RBMS1: variants seen among roughly 807,000 people sequenced by gnomAD.
RBMS1 encodes the protein RNA binding motif single stranded interacting protein 1, also known as RNA-binding motif, single-stranded-interacting protein 1.
RBMS1 carries 17 observed loss-of-function variants against 62.3 expected under a neutral mutation model. The ratio of observed to expected loss-of-function variants is 0.27; its 90% CI spans 0.19 to 0.41. The LOEUF (loss-of-function observed/expected upper bound fraction) is 0.41. Ranked by LOEUF, RBMS1 falls within the 10% of genes least tolerant of loss-of-function variation. The pLI, the probability that RBMS1 is intolerant of heterozygous loss-of-function variation, is 1.00. For synonymous variants in RBMS1, 172 were observed against 170.0 expected, an observed-to-expected ratio of 1.01 and a Z score of -0.09; for missense variants, 334 against 504.5, an observed-to-expected ratio of 0.66 and a Z score of 3.24.
chr2:160,303,792 C>T (rs2105953363), intron 4 of RBMS1, among the ~76,000 whole-genome samples: 1 of 152,282 alleles, frequency 6.6e-6, no homozygotes, highest in Middle Eastern at 3.4e-3. Context: ...AATAACTGAC[C>T]TCTCCTCCAC....
intron 1 of RBMS1, chr2:160,408,401 C>T (rs1230770774): frequency 6.6e-6 from 1 of 152,210 alleles, no homozygotes; most frequent in Non-Finnish European, 1.5e-5. Context: ...ATCTCCATCC[C>T]CCGATTCACA....
chr2:160,311,248 A>C (rs1161356821), intron 4 of RBMS1, among the ~76,000 whole-genome samples: 4 of 105,358 alleles, frequency 3.8e-5, no homozygotes, highest in Admixed American at 9.9e-5. Flanking sequence ...ATATATATAT[A>C]TATATATATA....
chr2:160,410,699 T>C lies in RBMS1; in HGVS notation c.76-43308A>G, dbSNP rs1318923460. Among the ~76,000 whole-genome samples the C allele has an allele frequency of 3.3e-5, 5 of 152,166 alleles. No homozygotes were observed. In the East Asian group the frequency reaches 9.6e-4, roughly 29 times the overall value. ...AAAACAGTCCAGAGAGACTGCAAGT[T>C]ATCATGGTAAAAACGGGGCTTTGGA... On this transcript the variant is annotated intron_variant, in intron 1 of 13. Coordinates refer to ENST00000348849, the MANE Select transcript of RBMS1 (RefSeq NM_016836.4).
intron 1 of RBMS1, among the ~76,000 whole-genome samples, chr2:160,403,378 G>A (rs1391125766): frequency 6.6e-6 from 1 of 152,178 alleles, no homozygotes; most frequent in African/African-American, 2.4e-5. Context: ...CTATGCACAA[G>A]TTTAATCTTC....
chr2:160,465,864 A>G (rs1449358857), intron 1 of RBMS1, among the ~76,000 whole-genome samples: 1 of 112,508 alleles, frequency 8.9e-6, no homozygotes, highest in African/African-American at 3.4e-5. Flanking sequence ...ACACACACAC[A>G]TACACACACA....
intron 1 of RBMS1, among the ~76,000 whole-genome samples, chr2:160,382,818 C>T (rs942928150): frequency 3.3e-5 from 5 of 152,020 alleles, no homozygotes; most frequent in Non-Finnish European, 7.4e-5. Context: ...AACACTCCCA[C>T]CCCACAACAC....
chr2:160,344,073 ACTTGT>A (rs1460112531), intron 2 of RBMS1, among the ~76,000 whole-genome samples: 15 of 152,288 alleles, frequency 9.8e-5, no homozygotes, highest in African/African-American at 3.6e-4. Flanking sequence ...AATCTGAACA[ACTTGT>A]CATTAGGAAA....
intron 1 of RBMS1, among the ~76,000 whole-genome samples, chr2:160,424,549 C>T (rs780338073): frequency 1.1e-4 from 16 of 152,072 alleles, no homozygotes; most frequent in Non-Finnish European, 2.1e-4. Context: ...GAATGAAGCC[C>T]CATTAACTGG....
At chr2:160,475,151 G>C (rs988621132) in intron 1 of RBMS1, among the ~76,000 whole-genome samples, 1 of 152,160 alleles carries the variant, frequency 6.6e-6, no homozygotes, top group African/African-American at 2.4e-5. Flanking sequence ...TTTTAAAAAG[G>C]CAATGGGTAG....
intron 6 of RBMS1, among the ~76,000 whole-genome samples, chr2:160,293,533 T>C (rs1313730449): frequency 6.6e-6 from 1 of 152,186 alleles, no homozygotes; most frequent in Non-Finnish European, 1.5e-5. Context: ...ACACTGAGAA[T>C]CTAACAGGCA....
intron 1 of RBMS1, among the ~76,000 whole-genome samples, chr2:160,393,995 T>C (rs546423487): frequency 7.2e-5 from 11 of 152,160 alleles, no homozygotes; most frequent in Non-Finnish European, 1.5e-4. Context: ...ATACTGAACA[T>C]TCCTTCAGAT....
chr2:160,416,553 A>G (rs1259055708), intron 1 of RBMS1, among the ~76,000 whole-genome samples: 1 of 152,168 alleles, frequency 6.6e-6, no homozygotes, highest in Non-Finnish European at 1.5e-5. Context: ...ATTAAAGTCT[A>G]GGGGAAGGAG....
intron 2 of RBMS1, among the ~76,000 whole-genome samples, chr2:160,319,800 GA>G (rs201498148): frequency 1.3e-5 from 2 of 150,528 alleles, no homozygotes; most frequent in East Asian, 1.9e-4. Context: ...TTATCTAGAA[GA>G]AAAAAAAATG....
At chr2:160,463,952 A>C (rs1333800017) in intron 1 of RBMS1, among the ~76,000 whole-genome samples, 2 of 152,230 alleles carry the variant, frequency 1.3e-5, no homozygotes, top group Non-Finnish European at 2.9e-5. Flanking sequence ...TTGTGAAATT[A>C]AATGCAGTTA....
At chr2:160,364,323 C>T (rs1272895132) in intron 2 of RBMS1, among the ~76,000 whole-genome samples, 3 of 152,182 alleles carry the variant, frequency 2.0e-5, no homozygotes, top group Admixed American at 1.3e-4. Context: ...GTCAAGGTTC[C>T]AAGATTCCTC....
intron 1 of RBMS1, chr2:160,407,621 CG>C (rs1559516035): frequency 1.0e-6 from 1 of 982,110 alleles, no homozygotes; most frequent in African/African-American, 1.8e-5. Context: ...GGTGGCCGGC[CG>C]GGCCCGGGGC....
intron 1 of RBMS1, among the ~76,000 whole-genome samples, chr2:160,431,172 G>A (rs898613152): frequency 1.4e-5 from 2 of 144,342 alleles, no homozygotes; most frequent in African/African-American, 5.1e-5. Context: ...TATTGCCTAG[G>A]TAACCCAGGC....
intron 1 of RBMS1, among the ~76,000 whole-genome samples, chr2:160,439,449 A>T (rs1683296774): frequency 1.4e-5 from 2 of 147,962 alleles, no homozygotes; most frequent in Admixed American, 1.3e-4. Flanking sequence ...CCCACATCTC[A>T]GACGATGGGC....
chr2:160,362,475 T>C (rs1164493263), intron 2 of RBMS1, among the ~76,000 whole-genome samples: 1 of 152,174 alleles, frequency 6.6e-6, no homozygotes, highest in Non-Finnish European at 1.5e-5. Flanking sequence ...TTCAATATTA[T>C]ATCTCAGAGA....
Sources: gnomAD v4.1 joint callset for allele counts (sites outside exome capture counted in the v4.1 genomes callset) on GRCh38, gnomAD v4.1.1 for gene constraint, MANE v1.5 for transcripts, NCBI Gene and HGNC (gene_info 2026-07-23, HGNC 2026-07-21) for gene names.